The following FRAS1 variants were observed in gnomAD, a reference collection of about 807,000 sequenced individuals.
The protein encoded by FRAS1 is Fraser extracellular matrix complex subunit 1.
FRAS1 carries 290 observed loss-of-function variants against 435.2 expected under a neutral mutation model. That is an observed-to-expected ratio of 0.67 (90% CI 0.61 to 0.73). FRAS1 has a LOEUF of 0.73. FRAS1 is among the 30% of genes least tolerant of loss of function. The pLI, the probability that FRAS1 is intolerant of heterozygous loss-of-function variation, is 0.00. For synonymous variants in FRAS1, 1,800 were observed against 1,851.0 expected (o/e 0.97, Z 0.71); for missense variants, 4,860 against 5,001.5 (o/e 0.97, Z 0.85).
rs576084696 is a variant in FRAS1, at chr4:78,068,295, T to C, written c.108+2279T>C. ...AGGGGATGAAGGTGGCTACTTTAGA[T>C]AGGGTGATAGGGAAGGCTTCACTGA... On this transcript the variant is annotated intron_variant, in intron 2 of 73. Coordinates refer to ENST00000512123, the MANE Select transcript of FRAS1 (RefSeq NM_025074.7). 4.6e-5 allele frequency among the ~76,000 whole-genome samples: 7 copies of C among 152,076 alleles called. No homozygotes were observed. The South Asian group carries it at 8.3e-4, about 18-fold the overall frequency.
chr4:78,116,890 T>C (rs1309985393), intron 2 of FRAS1, among the ~76,000 whole-genome samples: 1 of 152,252 alleles, frequency 6.6e-6, no homozygotes, highest in Non-Finnish European at 1.5e-5. Context: ...TAGCTGGTTA[T>C]TTTGCTCATT....
At chr4:78,357,945 C>T (rs949273116) in intron 20 of FRAS1, among the ~76,000 whole-genome samples, 2 of 152,156 alleles carry the variant, frequency 1.3e-5, no homozygotes, top group South Asian at 4.2e-4. Flanking sequence ...CTCCTGTGCC[C>T]TGGGTTCTAT....
intron 2 of FRAS1, among the ~76,000 whole-genome samples, chr4:78,214,333 G>A (rs1027272946): frequency 3.3e-5 from 5 of 152,170 alleles, no homozygotes; most frequent in Non-Finnish European, 7.4e-5. Flanking sequence ...CAACAAGCCT[G>A]TCATAAATTG....
chr4:78,252,746 A>G (rs1725603081), intron 5 of FRAS1, among the ~76,000 whole-genome samples, 195 bp downstream of exon 5: 1 of 152,150 alleles, frequency 6.6e-6, no homozygotes, highest in Admixed American at 6.6e-5. Context: ...TATCAGTAGG[A>G]CCGTGATGCC....
intron 2 of FRAS1, among the ~76,000 whole-genome samples, chr4:78,226,765 A>T (rs1009083115): frequency 6.6e-6 from 1 of 152,112 alleles, no homozygotes; most frequent in African/African-American, 2.4e-5. Context: ...TTTTAAAAAA[A>T]TTTTGTTTCC....
chr4:78,077,618 A>T (rs1036182783), intron 2 of FRAS1, among the ~76,000 whole-genome samples: 9 of 151,660 alleles, frequency 5.9e-5, no homozygotes, highest in Non-Finnish European at 1.3e-4. Flanking sequence ...CCGAGTCTCC[A>T]TTGTCTATCA....
rs1362874913 is a variant in FRAS1, at chr4:78,485,413, G to C, written c.8752+2878G>C. Among the ~76,000 whole-genome samples, 5 of 152,088 alleles carry C rather than the reference G, an allele frequency of 3.3e-5. 1 individual carries two copies. The South Asian group carries it at 6.2e-4, about 19-fold the overall frequency. ...GATGAGCATTGGGTTTGTCAACTTA[G>C]GAAACTGATATGTTAAGCAAAAATT... On this transcript the variant is annotated intron_variant, in intron 58 of 73. Transcript: ENST00000512123.
intron 2 of FRAS1, among the ~76,000 whole-genome samples, chr4:78,069,657 C>G (rs1740235534): frequency 6.6e-6 from 1 of 152,148 alleles, no homozygotes; most frequent in South Asian, 2.1e-4. Context: ...GAAAGACACC[C>G]AGGTGCAATG....
intron 29 of FRAS1, among the ~76,000 whole-genome samples, chr4:78,399,792 T>C (rs1732810017): frequency 6.6e-6 from 1 of 152,200 alleles, no homozygotes; most frequent in South Asian, 2.1e-4. Flanking sequence ...TTCTCTCCCC[T>C]GAGCCATTAC....
intron 47 of FRAS1, among the ~76,000 whole-genome samples, chr4:78,455,646 G>A (rs1328399594): frequency 1.3e-5 from 2 of 152,152 alleles, no homozygotes; most frequent in Non-Finnish European, 2.9e-5. Context: ...AGACAGGAAA[G>A]GTGGGGAAAT....
intron 9 of FRAS1, among the ~76,000 whole-genome samples, chr4:78,270,185 T>C (rs1380616830): frequency 3.3e-5 from 5 of 152,214 alleles, no homozygotes; most frequent in Non-Finnish European, 5.9e-5. Context: ...CTTCTGTAAA[T>C]AGAAAAGCTA....
intron 14 of FRAS1, among the ~76,000 whole-genome samples, chr4:78,293,842 T>C (rs1265741055): frequency 1.3e-5 from 2 of 152,220 alleles, no homozygotes; most frequent in Admixed American, 6.5e-5. Context: ...CTGGCTGTGT[T>C]TGGCATTTGT....
chr4:78,178,111 G>A (rs1188750753), intron 2 of FRAS1, among the ~76,000 whole-genome samples: 1 of 152,142 alleles, frequency 6.6e-6, no homozygotes, highest in African/African-American at 2.4e-5. Context: ...TGGCCTCCTA[G>A]GCTTGTGGCA....
At chr4:78,124,583 G>A (rs1414456270) in intron 2 of FRAS1, among the ~76,000 whole-genome samples, 1 of 152,158 alleles carries the variant, frequency 6.6e-6, no homozygotes, top group East Asian at 1.9e-4. Flanking sequence ...GTAGAATTAG[G>A]CTGTGAATCT....
chr4:78,438,180 A>G (rs950731864), intron 38 of FRAS1, among the ~76,000 whole-genome samples: 17 of 152,178 alleles, frequency 1.1e-4, no homozygotes, highest in Non-Finnish European at 2.4e-4. Flanking sequence ...AAACTCTAGA[A>G]AAATCCTACA....
intron 59 of FRAS1, among the ~76,000 whole-genome samples, chr4:78,490,981 A>G (rs1014125360): frequency 6.6e-6 from 1 of 152,206 alleles, no homozygotes; most frequent in Non-Finnish European, 1.5e-5. Context: ...GGATATCACC[A>G]CTGATCCCAC....
chr4:78,274,036 G>C (rs1483328620), intron 9 of FRAS1, among the ~76,000 whole-genome samples: 1 of 152,152 alleles, frequency 6.6e-6, no homozygotes, highest in Non-Finnish European at 1.5e-5. Flanking sequence ...TCCTAGTTTA[G>C]TCTTGGGAGG....
chr4:78,263,150 C>T (rs1726194367), intron 6 of FRAS1, among the ~76,000 whole-genome samples: 1 of 152,192 alleles, frequency 6.6e-6, no homozygotes, highest in Non-Finnish European at 1.5e-5. Context: ...GTCAAAAAGC[C>T]TTTCCTATCT....
intron 55 of FRAS1, among the ~76,000 whole-genome samples, chr4:78,478,263 C>G (rs1442468698): frequency 2.0e-5 from 3 of 152,172 alleles, no homozygotes; most frequent in Non-Finnish European, 4.4e-5. Context: ...TTTCTTAGTT[C>G]AAGTTGTTAG....
Sources: gnomAD v4.1 joint callset for allele counts (sites outside exome capture counted in the v4.1 genomes callset) on GRCh38, gnomAD v4.1.1 for gene constraint, MANE v1.5 for transcripts, NCBI Gene and HGNC (gene_info 2026-07-23, HGNC 2026-07-21) for gene names.